The following ASIC2 variants were observed in gnomAD, a reference collection of about 807,000 sequenced individuals.
The protein encoded by ASIC2 is acid-sensing ion channel 2.
Under a neutral mutation model 57.3 loss-of-function variants are expected in ASIC2, and 25 were observed. The ratio of observed to expected loss-of-function variants is 0.44; its 90% CI spans 0.32 to 0.61. ASIC2 has a LOEUF of 0.61. Ranked by LOEUF, ASIC2 falls within the 20% of genes least tolerant of loss-of-function variation. The pLI, the probability that ASIC2 is intolerant of heterozygous loss-of-function variation, is 0.06. For synonymous variants in ASIC2, 319 were observed against 307.5 expected (o/e 1.04, Z -0.39); for missense variants, 641 against 738.1 (o/e 0.87, Z 1.52).
At chr17:33,135,059 G>T (rs1029230373) in intron 1 of ASIC2, among the ~76,000 whole-genome samples, 1 of 152,136 alleles carries the variant, frequency 6.6e-6, no homozygotes, top group Non-Finnish European at 1.5e-5. Context: ...GAGAAGAAAG[G>T]TGACTTGCCC....
rs115253052 is a variant in ASIC2, at chr17:33,303,392, C to T, written c.556-191325G>A. Among the ~76,000 whole-genome samples the T allele has an allele frequency of 8.2e-3, 1,255 of 152,262 alleles. 15 individuals are homozygous for T. Among genetic ancestry groups the T allele is most frequent in the African/African-American group, 0.028 (1,160 of 41,528 alleles). On this transcript the variant is annotated intron_variant, in intron 1 of 9. Coordinates refer to the ASIC2 transcript ENST00000359872. ...CCATCGGGACAGAACTAAAACTATA[C>T]GAGCCCACTTGTAGGGAAGAGGTTC...
At chr17:34,086,727 A>G (rs1910125189) in intron 1 of ASIC2, among the ~76,000 whole-genome samples, 2 of 152,122 alleles carry the variant, frequency 1.3e-5, no homozygotes, top group African/African-American at 2.4e-5. Flanking sequence ...GTGCTCCTGT[A>G]TTGGGTGCGT....
chr17:33,769,038 G>A (rs1911018224), intron 1 of ASIC2, among the ~76,000 whole-genome samples: 1 of 152,114 alleles, frequency 6.6e-6, no homozygotes, highest in African/African-American at 2.4e-5. Flanking sequence ...CAATCATCAA[G>A]CATGACCTTA....
At chr17:33,879,499 A>G (rs1238213816) in intron 1 of ASIC2, among the ~76,000 whole-genome samples, 3 of 152,228 alleles carry the variant, frequency 2.0e-5, no homozygotes, top group East Asian at 3.8e-4. Context: ...AGATCAAAAG[A>G]GACAAAGAAG....
In ASIC2 at chr17:33,561,822, T is replaced by C. The variant is rs16968583; in HGVS notation, c.556-449755A>G. ...TCAATGACCAATTTCCCTTTGGGGCTATTCCCAGAAGTGCAGATCACTTCA... is the reference window on the plus strand; with the variant it reads ...TCAATGACCAATTTCCCTTTGGGGCCATTCCCAGAAGTGCAGATCACTTCA... On this transcript the variant is annotated intron_variant, in intron 1 of 9. Transcript: ENST00000359872. 5.4e-3 allele frequency among the ~76,000 whole-genome samples: 821 copies of C among 152,348 alleles called. 6 individuals carry two copies. Among genetic ancestry groups the C allele is most frequent in the African/African-American group, 0.019 (785 of 41,582 alleles).
chr17:33,664,319 C>T (rs565072056), intron 1 of ASIC2, among the ~76,000 whole-genome samples: 52 of 152,328 alleles, frequency 3.4e-4, no homozygotes, highest in Admixed American at 4.6e-4. Flanking sequence ...AAAGTGAAAG[C>T]CTTCTAGTCT....
intron 1 of ASIC2, among the ~76,000 whole-genome samples, chr17:34,092,688 T>C (rs1910376576): frequency 6.6e-6 from 1 of 152,234 alleles, no homozygotes; most frequent in Admixed American, 6.5e-5. Context: ...AAATAACTTT[T>C]ATTATGCAAT....
intron 3 of ASIC2, among the ~76,000 whole-genome samples, chr17:33,055,090 A>G (rs1352020058): frequency 6.6e-6 from 1 of 152,172 alleles, no homozygotes; most frequent in Non-Finnish European, 1.5e-5. Flanking sequence ...GCACTCCAGG[A>G]ATACAATGCA....
intron 1 of ASIC2, among the ~76,000 whole-genome samples, chr17:33,744,572 G>C (rs574040764): frequency 6.6e-6 from 1 of 152,282 alleles, no homozygotes; most frequent in Non-Finnish European, 1.5e-5. Flanking sequence ...ACAAGAGCTG[G>C]AGTTGTGGGA....
At chr17:33,448,152 T>C (rs1444887204) in intron 1 of ASIC2, among the ~76,000 whole-genome samples, 2 of 152,158 alleles carry the variant, frequency 1.3e-5, no homozygotes, top group African/African-American at 2.4e-5. Flanking sequence ...TTGTCCTCTC[T>C]GACTCTTGCC....
In ASIC2 at chr17:33,842,112, C is replaced by G. The variant is rs151183501; in HGVS notation, c.555+313866G>C. Among the ~76,000 whole-genome samples, 41 of 152,294 alleles carry G rather than the reference C, an allele frequency of 2.7e-4. No individual in the cohort carries two copies. The South Asian group carries it at 4.1e-3, about 15-fold the overall frequency. The stretch of plus-strand genomic sequence containing the variant: ...GGCTGGACGACATAACCGCATGGCC[C>G]AGAGACAGCAGGCTGGGCAAGAAAA... On this transcript the variant is annotated intron_variant, in intron 1 of 9. Coordinates refer to the ASIC2 transcript ENST00000359872.
intron 1 of ASIC2, among the ~76,000 whole-genome samples, chr17:33,357,367 A>G (rs1908425609): frequency 1.3e-5 from 2 of 152,168 alleles, no homozygotes; most frequent in Non-Finnish European, 2.9e-5. Context: ...AATTGGTAGA[A>G]CTGGTAATAG....
At chr17:33,674,778 T>C (rs1907759076) in intron 1 of ASIC2, among the ~76,000 whole-genome samples, 1 of 152,210 alleles carries the variant, frequency 6.6e-6, no homozygotes, top group Non-Finnish European at 1.5e-5. Context: ...AGAAGCAATG[T>C]TGCTCTCTTC....
At chr17:33,628,293 C>CT (rs796936645) in intron 1 of ASIC2, among the ~76,000 whole-genome samples, 421 of 143,402 alleles carry the variant, frequency 2.9e-3, no homozygotes, top group South Asian at 4.7e-3. Context: ...CCTGTCTGGT[C>CT]TTTTTTTTTT....
At chr17:33,610,089 G>T (rs866845375) in intron 1 of ASIC2, among the ~76,000 whole-genome samples, 1 of 119,754 alleles carries the variant, frequency 8.4e-6, no homozygotes, top group Non-Finnish European at 1.7e-5. Context: ...CACACACACA[G>T]ATATATGCAC....
At chr17:33,130,255 TCTC>T (rs773297375) in intron 1 of ASIC2, among the ~76,000 whole-genome samples, 3 of 152,064 alleles carry the variant, frequency 2.0e-5, no homozygotes, top group African/African-American at 4.8e-5. Flanking sequence ...GACGTTAAAT[TCTC>T]CTCTTTTTCT....
intron 1 of ASIC2, among the ~76,000 whole-genome samples, chr17:34,099,259 AAAAG>A (rs765112520): frequency 1.5e-3 from 224 of 148,396 alleles, no homozygotes; most frequent in African/African-American, 4.0e-3. Context: ...GGAAGGAGGG[AAAAG>A]AAAGAAAGAG....
chr17:33,577,751 TTCCCCTCC>T, intron 1 of ASIC2, among the ~76,000 whole-genome samples: 1 of 152,234 alleles, frequency 6.6e-6, no homozygotes, highest in East Asian at 1.9e-4. Context: ...CTCAGCCTCA[TTCCCCTCC>T]TCTGTGTTCA....
chr17:33,454,693 A>T (rs984733647), intron 1 of ASIC2, among the ~76,000 whole-genome samples: 1 of 152,178 alleles, frequency 6.6e-6, no homozygotes, highest in Non-Finnish European at 1.5e-5. Context: ...ATTTATACAC[A>T]ATAGAAATGT....
Sources: gnomAD v4.1 joint callset for allele counts (sites outside exome capture counted in the v4.1 genomes callset) on GRCh38, gnomAD v4.1.1 for gene constraint, MANE v1.5 for transcripts, NCBI Gene and HGNC (gene_info 2026-07-23, HGNC 2026-07-21) for gene names.